Variants in KLRF2 observed in about 807,000 individuals in gnomAD.
KLRF2 encodes killer cell lectin-like receptor subfamily F member 2.
KLRF2 carries 28 observed loss-of-function variants against 25.3 expected under a neutral mutation model. That is an observed-to-expected ratio of 1.11 (90% CI 0.82 to 1.52). The LOEUF is 1.52. Among genes scored for constraint, KLRF2 ranks in the 40% most tolerant of loss-of-function variants. The probability of loss-of-function intolerance (pLI) is 0.00; values close to 1 mark genes in which losing one functional copy is unlikely to be tolerated. For synonymous variants in KLRF2, 73 were observed against 85.0 expected (o/e 0.86, Z 0.78); for missense variants, 265 against 245.8 (o/e 1.08, Z -0.52).
At chr12:9,888,576 T>A (rs530701109) in intron 2 of KLRF2, among the ~76,000 whole-genome samples, 157 bp from the exon 3 acceptor site, 4 of 152,274 alleles carry the variant, frequency 2.6e-5, no homozygotes, top group Middle Eastern at 3.4e-3. Context: ...GAAACGTAGT[T>A]AAATCTGGGG....
Position 9,893,454 on chromosome 12 carries a change from C to T in KLRF2, c.392C>T (p.Pro131Leu). The T allele has an allele frequency of 6.7e-7, 1 of 1,497,684 alleles. No individual in the cohort carries two copies. The highest frequency in any genetic ancestry group is 1.7e-4 in the Middle Eastern group (1 of 5,906). 92.8% of individuals were successfully genotyped at this position (1,497,684 alleles called of 1,614,324 possible). A position where few individuals can be genotyped will look rare whatever the true frequency, so the allele number is the denominator to read the frequency against. ...GAGTTCATACAGAACAGTTTAAAAC[C>T]TGGACATTTTGGTTGGATTGGACTA... ...ELEFIQNSLKPGHFGWIGLYV... is the reference protein window; with the variant it reads ...ELEFIQNSLKLGHFGWIGLYV... The change falls in exon 5 of 6, where the codon CCT becomes CTT. Residue 131 changes from proline (P) to leucine (L), a missense_variant. Coordinates refer to ENST00000535540, the MANE Select transcript of KLRF2 (RefSeq NM_001190765.1).
intron 2 of KLRF2, among the ~76,000 whole-genome samples, chr12:9,886,277 A>T (rs1172156452): frequency 2.0e-5 from 3 of 152,164 alleles, no homozygotes; most frequent in African/African-American, 7.2e-5. Context: ...CATGGCTTCC[A>T]GTCAAAATGG....
chr12:9,885,273 A>G (rs1236227834), intron 2 of KLRF2, among the ~76,000 whole-genome samples: 3 of 151,700 alleles, frequency 2.0e-5, no homozygotes, highest in Admixed American at 1.3e-4. Flanking sequence ...TAAAAAAGTA[A>G]TGTATCTTTA....
At chr12:9,894,032 C>G (rs1862721185) in intron 5 of KLRF2, among the ~76,000 whole-genome samples, 1 of 151,748 alleles carries the variant, frequency 6.6e-6, no homozygotes, top group African/African-American at 2.4e-5. Flanking sequence ...CTTTTCTTCT[C>G]TTTCTTTTTC....
chr12:9,889,605 A>G (rs1005551932), intron 3 of KLRF2, among the ~76,000 whole-genome samples: 2 of 151,944 alleles, frequency 1.3e-5, no homozygotes, highest in Non-Finnish European at 2.9e-5. Flanking sequence ...CCACAATTAT[A>G]TGAGACAATA....
At position 9,881,622 on chromosome 12, in the gene KLRF2, G is replaced by C. The variant is rs772636541; in HGVS notation, c.27G>C (p.Thr9=). 374 of 1,535,072 alleles carry C rather than the reference G, an allele frequency of 2.4e-4. No homozygotes were observed. Among genetic ancestry groups the C allele is most frequent in the Non-Finnish European group, 3.2e-4 (369 of 1,146,192 alleles). MENEDGYM[T]LSFKNRCKSK... ...TGGAGAATGAAGATGGGTATATGAC[G>C]CTGAGTTTCAAGAATCGTTGTAAAT... The change falls in exon 1 of 6, where the codon ACG becomes ACC. Residue 9 remains threonine, a synonymous_variant. Transcript: ENST00000535540.
rs192214836 is a variant in KLRF2 at position 9,882,835 on chromosome 12, C to A, written c.70+1170C>A. Among the ~76,000 whole-genome samples the A allele has an allele frequency of 1.7e-3, 261 of 152,200 alleles. 1 individual carries two copies. Among genetic ancestry groups the A allele is most frequent in the African/African-American group, 5.9e-3 (246 of 41,520 alleles). ...TAAAGCCCACAGACTAAATGTATGGCTCTGGGCAGAAGCTTTTAGCCTTCT... is the reference window on the plus strand; with the variant it reads ...TAAAGCCCACAGACTAAATGTATGGATCTGGGCAGAAGCTTTTAGCCTTCT... On this transcript the variant is annotated intron_variant, in intron 1 of 5. Coordinates refer to ENST00000535540, the MANE Select transcript of KLRF2 (RefSeq NM_001190765.1).
At chr12:9,895,423 A>G (rs1460201509) in intron 5 of KLRF2, among the ~76,000 whole-genome samples, 1 of 152,222 alleles carries the variant, frequency 6.6e-6, no homozygotes, top group Non-Finnish European at 1.5e-5. Flanking sequence ...TAGAATACTC[A>G]GGTCTTGCAG....
intron 2 of KLRF2, among the ~76,000 whole-genome samples, 188 bp from the exon 3 acceptor site, chr12:9,888,542 TAAA>T (rs1244226303): frequency 6.6e-6 from 1 of 152,006 alleles, no homozygotes; most frequent in African/African-American, 2.4e-5. Context: ...GATTTGCACT[TAAA>T]GGAGTAAAAA....
intron 1 of KLRF2, among the ~76,000 whole-genome samples, chr12:9,881,884 GT>G (rs1278832404): frequency 2.6e-5 from 4 of 152,250 alleles, no homozygotes; most frequent in Admixed American, 2.6e-4. Flanking sequence ...ATATGACGAT[GT>G]GTAATCCTGT....
intron 3 of KLRF2, among the ~76,000 whole-genome samples, chr12:9,889,057 A>G (rs533044497): frequency 6.0e-4 from 91 of 152,300 alleles, no homozygotes; most frequent in African/African-American, 2.1e-3. Context: ...TAACTTGCCA[A>G]ATATTTATCG....
chr12:9,882,126 C>T (rs1180743272), intron 1 of KLRF2, among the ~76,000 whole-genome samples: 1 of 151,706 alleles, frequency 6.6e-6, no homozygotes, highest in African/African-American at 2.4e-5. Flanking sequence ...AACAAAAAAA[C>T]ATTAATCTTT....
At chr12:9,892,981 T>C in intron 3 of KLRF2, 39 bp from the exon 4 acceptor site, 2 of 1,462,930 alleles carry the variant, frequency 1.4e-6, no homozygotes, top group Non-Finnish European at 1.8e-6. Flanking sequence ...CCCTGTTGGC[T>C]GTAAAGTTTA....
At chr12:9,892,321 A>G (rs1862687028) in intron 3 of KLRF2, among the ~76,000 whole-genome samples, 3 of 152,240 alleles carry the variant, frequency 2.0e-5, no homozygotes, top group Admixed American at 2.0e-4. Context: ...AATAGTAAGT[A>G]ATCTCACAGA....
intron 3 of KLRF2, among the ~76,000 whole-genome samples, chr12:9,890,858 T>C (rs945080597): frequency 6.6e-6 from 1 of 152,204 alleles, no homozygotes; most frequent in African/African-American, 2.4e-5. Flanking sequence ...ATGGGGTCAT[T>C]TTGGAATTCT....
intron 5 of KLRF2, 73 bp from the exon 6 acceptor site, chr12:9,895,616 G>A: frequency 2.2e-6 from 3 of 1,372,108 alleles, no homozygotes; most frequent in South Asian, 3.1e-5. Context: ...TAAAAGTTTG[G>A]CTGGAGAAAA....
chr12:9,895,158 G>C (rs537271652), intron 5 of KLRF2, among the ~76,000 whole-genome samples: 1 of 152,134 alleles, frequency 6.6e-6, no homozygotes, highest in Non-Finnish European at 1.5e-5. Context: ...AATCTTGGGC[G>C]ACTGCCTCCC....
chr12:9,890,419 T>C (rs1385291831), intron 3 of KLRF2, among the ~76,000 whole-genome samples: 1 of 152,180 alleles, frequency 6.6e-6, no homozygotes, highest in Non-Finnish European at 1.5e-5. Context: ...TTCCAAGCTC[T>C]CTCTTACGGT....
At chr12:9,889,008 G>A (rs1862639743) in intron 3 of KLRF2, among the ~76,000 whole-genome samples, 1 of 152,148 alleles carries the variant, frequency 6.6e-6, no homozygotes, top group Non-Finnish European at 1.5e-5. Context: ...GGGTTTTAGT[G>A]AGTCAACAAC....
Sources: allele counts gnomAD v4.1 joint callset (sites outside exome capture counted in the v4.1 genomes callset), GRCh38; gene constraint gnomAD v4.1.1; transcripts MANE v1.5; gene names NCBI Gene and HGNC (gene_info 2026-07-23, HGNC 2026-07-21).